SLC5A1: variants seen among roughly 807,000 people sequenced by gnomAD.
The protein encoded by SLC5A1 is sodium/glucose cotransporter 1.
SLC5A1 carries 42 observed loss-of-function variants against 73.5 expected under a neutral mutation model. The ratio of observed to expected loss-of-function variants is 0.57; its 90% CI spans 0.45 to 0.74. SLC5A1 has a LOEUF of 0.74. SLC5A1 is among the 30% of genes least tolerant of loss of function. The pLI is 0.00. For missense variants in SLC5A1, 634 were observed against 855.4 expected (o/e 0.74, Z 3.23); for synonymous variants, 300 against 317.4 (o/e 0.95, Z 0.58).
chr22:32,091,490 C>A, intron 10 of SLC5A1, 122 bp from the exon 11 acceptor site: 1 of 1,126,664 alleles, frequency 8.9e-7, no homozygotes, highest in Non-Finnish European at 1.3e-6. Flanking sequence ...TTTTTGGAGA[C>A]AGAAATTGGA....
At chr22:32,065,896 T>A (rs2093972155) in intron 2 of SLC5A1, among the ~76,000 whole-genome samples, 1 of 152,226 alleles carries the variant, frequency 6.6e-6, no homozygotes, top group South Asian at 2.1e-4. Flanking sequence ...GTTTGGACCA[T>A]CTTTGGGACA....
rs1031364616 is a variant in SLC5A1, at chr22:32,112,234, C to T, written c.*2021C>T. The T allele has an allele frequency of 1.3e-5, 2 of 152,150 alleles. No individual in the cohort carries two copies. The highest frequency in any genetic ancestry group is 4.8e-5 in the African/African-American group (2 of 41,422). 9.4% of individuals were successfully genotyped at this position (152,150 alleles called of 1,614,324 possible). On this transcript the variant is annotated 3_prime_UTR_variant, in exon 15 of 15. Coordinates refer to ENST00000266088, the MANE Select transcript of SLC5A1 (RefSeq NM_000343.4). ...CTACATCCCATCCCCATTCCAGGGT[C>T]TTCAGAATTGAAGGAGAGATGTTGT...
At position 32,068,577 on chromosome 22, in the gene SLC5A1, C is replaced by T; in HGVS notation, c.454C>T (p.Leu152Phe). ...QVYLSLLSLLLYIFTKISADI... is the reference protein window; with the variant it reads ...QVYLSLLSLLFYIFTKISADI... Reference sequence around the variant, plus strand: ...CTACCTTTCCCTTCTGTCCCTGCTGCTCTACATTTTCACCAAGATCTCGGT... The same window carrying T: ...CTACCTTTCCCTTCTGTCCCTGCTGTTCTACATTTTCACCAAGATCTCGGT... Residue 152 changes from leucine (L) to phenylalanine (F), a missense_variant, in exon 5 of 15, where the codon CTC (leucine) becomes TTC (phenylalanine). Coordinates refer to ENST00000266088, the MANE Select transcript of SLC5A1 (RefSeq NM_000343.4). The T allele has an allele frequency of 1.2e-6, 2 of 1,613,454 alleles. No individual in the cohort carries two copies. The highest frequency in any genetic ancestry group is 1.7e-6 in the Non-Finnish European group (2 of 1,179,538).
intron 1 of SLC5A1, 85 bp from the exon 2 acceptor site, chr22:32,049,858 G>A: frequency 9.9e-7 from 1 of 1,009,778 alleles, no homozygotes; most frequent in African/African-American, 1.6e-5. Context: ...GTAGAAGAAG[G>A]TGCACGAATG....
chr22:32,060,152 C>CATATATATATATACACACATGTAT (rs1968312228), intron 2 of SLC5A1, among the ~76,000 whole-genome samples: 1 of 29,826 alleles, frequency 3.4e-5, no homozygotes, highest in African/African-American at 5.1e-5. Context: ...CATACACACA[C>CATATATATATATACACACATGTAT]ACACACACAC....
At chr22:32,098,316 G>A (rs1246137902) in intron 11 of SLC5A1, among the ~76,000 whole-genome samples, 1 of 152,184 alleles carries the variant, frequency 6.6e-6, no homozygotes, top group Non-Finnish European at 1.5e-5. Flanking sequence ...TTGTATTGAG[G>A]TCACTGGTGT....
intron 2 of SLC5A1, among the ~76,000 whole-genome samples, chr22:32,060,052 C>CACACACAT (rs1450100086): frequency 3.4e-4 from 39 of 115,614 alleles, no homozygotes; most frequent in African/African-American, 9.4e-4. Flanking sequence ...CACACACACA[C>CACACACAT]ATATATACAC....
chr22:32,096,505 CAACA>C (rs2094026516), intron 11 of SLC5A1, among the ~76,000 whole-genome samples: 3 of 152,192 alleles, frequency 2.0e-5, no homozygotes, highest in African/African-American at 7.2e-5. Flanking sequence ...CCCCTTGATG[CAACA>C]TTCTGCAGAA....
At chr22:32,078,989 T>G (rs886383199) in intron 5 of SLC5A1, among the ~76,000 whole-genome samples, 1 of 139,060 alleles carries the variant, frequency 7.2e-6, no homozygotes, top group Non-Finnish European at 1.5e-5. Context: ...AAAAAAGACC[T>G]TGCTCTCTGT....
chr22:32,060,322 G>A (rs1048231776), intron 2 of SLC5A1, among the ~76,000 whole-genome samples: 1 of 152,006 alleles, frequency 6.6e-6, no homozygotes, highest in African/African-American at 2.4e-5. Context: ...CTCCCGAGTA[G>A]CTGGAATTAC....
Position 32,060,531 on chromosome 22 carries a change from G to A in SLC5A1, c.208-6404G>A, listed in dbSNP as rs547759880. Reference sequence around the variant, plus strand: ...TTTAAAACTCTGGCAGTTAAGCAGGGAATTTTGGAGAGAGCCTCTTTCACT... The same window carrying A: ...TTTAAAACTCTGGCAGTTAAGCAGGAAATTTTGGAGAGAGCCTCTTTCACT... On this transcript the variant is annotated intron_variant, in intron 2 of 14. Transcript: ENST00000266088. Among the ~76,000 whole-genome samples, 4 of 152,184 alleles carry A rather than the reference G, an allele frequency of 2.6e-5. No individual in the cohort carries two copies. In the East Asian group the frequency reaches 7.7e-4, roughly 29 times the overall value.
Position 32,084,928 on chromosome 22 carries a change from AG to A in SLC5A1, c.915del (p.Asn306IlefsTer5). The A allele has an allele frequency of 6.2e-7, 1 of 1,614,188 alleles. No homozygotes were observed. Among genetic ancestry groups the A allele is most frequent in the Non-Finnish European group, 8.5e-7 (1 of 1,180,038 alleles). On this transcript the variant is annotated frameshift_variant, in exon 9 of 15. Transcript: ENST00000266088. LOFTEE classifies it high-confidence loss of function. ...ATTGTGCAGCGCTGCCTCTCAGCCA[AG>A]AATATGTCTCACGTGAAGGGTGGCT... Reference protein sequence around the residue: ...QVIVQRCLSAKNMSHVKGGCI... With the variant: ...QVIVQRCLSAXNMSHVKGGCI...
At chr22:32,108,455 C>T (rs1211205867) in intron 14 of SLC5A1, among the ~76,000 whole-genome samples, 2 of 152,066 alleles carry the variant, frequency 1.3e-5, no homozygotes, top group African/African-American at 2.4e-5. Flanking sequence ...TTGAGGTCAT[C>T]AGTGATCCTA....
At chr22:32,060,261 G>A (rs919442487) in intron 2 of SLC5A1, among the ~76,000 whole-genome samples, 10 of 151,256 alleles carry the variant, frequency 6.6e-5, no homozygotes, top group East Asian at 2.0e-4. Context: ...GCGCGATCTC[G>A]GCTCACTGCA....
chr22:32,077,431 C>G (rs532310958), intron 5 of SLC5A1, among the ~76,000 whole-genome samples: 1 of 151,468 alleles, frequency 6.6e-6, no homozygotes, highest in African/African-American at 2.4e-5. Context: ...ATCCTTCCCC[C>G]TACTCTCTTT....
At chr22:32,071,265 A>C (rs2093982442) in intron 5 of SLC5A1, among the ~76,000 whole-genome samples, 1 of 152,220 alleles carries the variant, frequency 6.6e-6, no homozygotes, top group Non-Finnish European at 1.5e-5. Context: ...CAGCCTGGAC[A>C]ACATGGCAAG....
At chr22:32,109,443 C>T (rs1252434549) in intron 14 of SLC5A1, among the ~76,000 whole-genome samples, 1 of 152,114 alleles carries the variant, frequency 6.6e-6, no homozygotes, top group Non-Finnish European at 1.5e-5. Flanking sequence ...AGATCCTAAG[C>T]CTGGGAAGTA....
At chr22:32,095,725 C>G (rs1433744050) in intron 11 of SLC5A1, among the ~76,000 whole-genome samples, 1 of 152,102 alleles carries the variant, frequency 6.6e-6, no homozygotes, top group Admixed American at 6.6e-5. Flanking sequence ...ACCCTTTTAC[C>G]TTAAATTTAT....
intron 12 of SLC5A1, 36 bp from the exon 13 acceptor site, chr22:32,101,986 G>A: frequency 6.6e-7 from 1 of 1,508,638 alleles, no homozygotes; most frequent in Non-Finnish European, 9.2e-7. Flanking sequence ...TGTTTTGTGT[G>A]TTCAGCATGA....
Sources: gnomAD v4.1 joint callset for allele counts (sites outside exome capture counted in the v4.1 genomes callset) on GRCh38, gnomAD v4.1.1 for gene constraint, MANE v1.5 for transcripts, NCBI Gene and HGNC (gene_info 2026-07-23, HGNC 2026-07-21) for gene names.